PTK2: variants seen among roughly 807,000 people sequenced by gnomAD.
PTK2 encodes the protein protein tyrosine kinase 2.
PTK2 carries 45 observed loss-of-function variants against 150.1 expected under a neutral mutation model. That is an observed-to-expected ratio of 0.30 (90% CI 0.24 to 0.38). PTK2 has a LOEUF of 0.38. PTK2 is among the 10% of genes least tolerant of loss of function. The probability of loss-of-function intolerance (pLI) is 1.00; values close to 1 mark genes in which losing one functional copy is unlikely to be tolerated. For missense variants in PTK2, 919 were observed against 1,307.3 expected (o/e 0.70, Z 4.58); for synonymous variants, 432 against 449.2 (o/e 0.96, Z 0.48).
At chr8:140,945,265 T>C (rs2100177300) in intron 1 of PTK2, among the ~76,000 whole-genome samples, 1 of 152,232 alleles carries the variant, frequency 6.6e-6, no homozygotes, top group Non-Finnish European at 1.5e-5. Flanking sequence ...TGATATATCC[T>C]ATGTTCAGGT....
intron 1 of PTK2, among the ~76,000 whole-genome samples, chr8:140,980,236 A>G (rs2100190905): frequency 6.6e-6 from 1 of 152,260 alleles, no homozygotes; most frequent in African/African-American, 2.4e-5. Flanking sequence ...GAAAACTATC[A>G]TACAGCACCT....
At chr8:140,959,530 C>G (rs1484472940) in intron 1 of PTK2, among the ~76,000 whole-genome samples, 3 of 130,286 alleles carry the variant, frequency 2.3e-5, no homozygotes, top group African/African-American at 8.3e-5. Context: ...CACAGCAAGA[C>G]TCTGTCTCAA....
intron 22 of PTK2, among the ~76,000 whole-genome samples, chr8:140,730,979 A>G: frequency 9.0e-6 from 1 of 111,210 alleles, no homozygotes; most frequent in Non-Finnish European, 1.8e-5. Context: ...TTTTTTTGAG[A>G]CAAAGTCTCA....
At chr8:140,806,752 C>CT (rs977651162) in intron 10 of PTK2, among the ~76,000 whole-genome samples, 3 of 152,134 alleles carry the variant, frequency 2.0e-5, no homozygotes, top group African/African-American at 4.8e-5. Flanking sequence ...TTGTGCTAAA[C>CT]TTTAAGATAT....
chr8:140,872,340 T>C (rs1489121919), intron 4 of PTK2, among the ~76,000 whole-genome samples: 1 of 152,178 alleles, frequency 6.6e-6, no homozygotes, highest in Non-Finnish European at 1.5e-5. Context: ...CCACCACGCC[T>C]GGCCCGCTGC....
chr8:140,875,164 C>G (rs1037301636), intron 4 of PTK2, among the ~76,000 whole-genome samples: 7 of 152,088 alleles, frequency 4.6e-5, no homozygotes, highest in Admixed American at 3.3e-4. Flanking sequence ...GAGGTCCAAG[C>G]CATGCCTAGA....
intron 1 of PTK2, among the ~76,000 whole-genome samples, chr8:140,949,728 C>G (rs531308254): frequency 3.3e-5 from 5 of 152,286 alleles, no homozygotes; most frequent in Non-Finnish European, 7.4e-5. Context: ...TCATGAACAG[C>G]CTAGGTGCCA....
chr8:140,761,644 GC>G (rs2100069488), intron 15 of PTK2, among the ~76,000 whole-genome samples: 1 of 152,078 alleles, frequency 6.6e-6, no homozygotes, highest in African/African-American at 2.4e-5. Flanking sequence ...GGCTATAAAA[GC>G]ACAGTTATTA....
chr8:140,813,561 A>G (rs934742327), intron 10 of PTK2, among the ~76,000 whole-genome samples: 4 of 152,014 alleles, frequency 2.6e-5, no homozygotes, highest in African/African-American at 9.7e-5. Flanking sequence ...GTAAATAATG[A>G]AATTAAGGCA....
chr8:140,693,205 A>G (rs541007418), intron 26 of PTK2, among the ~76,000 whole-genome samples: 4 of 152,258 alleles, frequency 2.6e-5, no homozygotes, highest in East Asian at 1.9e-4. Flanking sequence ...TTCAGAGTAT[A>G]TTTGCAGGCA....
intron 22 of PTK2, among the ~76,000 whole-genome samples, chr8:140,720,353 C>T (rs1398250006): frequency 6.6e-6 from 1 of 151,952 alleles, no homozygotes; most frequent in East Asian, 1.9e-4. Flanking sequence ...AGATAAAATA[C>T]ATGCATTATC....
At chr8:140,873,505 G>T (rs1032565023) in intron 4 of PTK2, among the ~76,000 whole-genome samples, 1 of 151,658 alleles carries the variant, frequency 6.6e-6, no homozygotes. Context: ...TCGCTCTGTC[G>T]CCTAGGCTGG....
intron 3 of PTK2, among the ~76,000 whole-genome samples, chr8:140,888,511 A>C (rs977928614): frequency 6.6e-6 from 1 of 152,238 alleles, no homozygotes; most frequent in East Asian, 1.9e-4. Context: ...GTGGCCACAT[A>C]GATTTGATCA....
At chr8:140,790,074 T>C (rs898996399) in intron 13 of PTK2, among the ~76,000 whole-genome samples, 1 of 151,722 alleles carries the variant, frequency 6.6e-6, no homozygotes, top group Non-Finnish European at 1.5e-5. Context: ...ACACTAGTTT[T>C]ACATATTTAC....
chr8:140,933,331 G>C (rs1359698944), intron 1 of PTK2, among the ~76,000 whole-genome samples: 1 of 152,052 alleles, frequency 6.6e-6, no homozygotes, highest in African/African-American at 2.4e-5. Context: ...AGAACAGGAG[G>C]GGCTAAAAAA....
intron 1 of PTK2, among the ~76,000 whole-genome samples, chr8:140,971,022 T>G (rs1000031456): frequency 4.6e-5 from 7 of 152,192 alleles, no homozygotes; most frequent in African/African-American, 1.7e-4. Flanking sequence ...TTTTGAATGA[T>G]TTTCCTTGGT....
chr8:140,981,930 G>A (rs1028108761), intron 1 of PTK2, among the ~76,000 whole-genome samples: 1 of 152,022 alleles, frequency 6.6e-6, no homozygotes, highest in Non-Finnish European at 1.5e-5. Flanking sequence ...TCTTGAAGAA[G>A]GTAGAGATTA....
At chr8:140,676,765 T>TAAAAAGAAAAAAA (rs2100014050) in intron 27 of PTK2, among the ~76,000 whole-genome samples, 5 of 55,572 alleles carry the variant, frequency 9.0e-5, no homozygotes, top group African/African-American at 4.3e-4. Context: ...GTCTCTACTT[T>TAAAAAGAAAAAAA]AAAAAAAAAA....
chr8:140,725,502 T>C (rs1361068285), intron 22 of PTK2, among the ~76,000 whole-genome samples: 2 of 152,188 alleles, frequency 1.3e-5, no homozygotes, highest in African/African-American at 4.8e-5. Flanking sequence ...CACTTTTCAG[T>C]GGCCATTAGT....
Sources: allele counts gnomAD v4.1 joint callset (sites outside exome capture counted in the v4.1 genomes callset), GRCh38; gene constraint gnomAD v4.1.1; transcripts MANE v1.5; gene names NCBI Gene and HGNC (gene_info 2026-07-23, HGNC 2026-07-21).